The following SGPP2 variants were observed in gnomAD, a reference collection of about 807,000 sequenced individuals.
SGPP2 encodes sphingosine 1-phosphate phosphohydrolase 2.
Under a neutral mutation model 33.9 loss-of-function variants are expected in SGPP2, and 30 were observed. That is an observed-to-expected ratio of 0.89 (90% CI 0.66 to 1.20). SGPP2 has a LOEUF of 1.20. SGPP2 is among the 50% of genes most tolerant of loss of function. SGPP2 has a pLI of 0.00. For missense variants in SGPP2, 458 were observed against 532.1 expected, an observed-to-expected ratio of 0.86 and a Z score of 1.37; for synonymous variants, 233 against 225.0, an observed-to-expected ratio of 1.04 and a Z score of -0.32.
intron 4 of SGPP2, among the ~76,000 whole-genome samples, chr2:222,547,223 G>A (rs188298467): frequency 4.3e-4 from 66 of 152,168 alleles, no homozygotes; most frequent in African/African-American, 1.2e-3. Flanking sequence ...GAGCAAAATC[G>A]CTTGAATGTT....
chr2:222,512,712 A>G (rs1158237731), intron 2 of SGPP2, among the ~76,000 whole-genome samples: 2 of 152,088 alleles, frequency 1.3e-5, no homozygotes, highest in Non-Finnish European at 2.9e-5. Context: ...AGAATGTCAT[A>G]TAGTTGGAAT....
chr2:222,524,052 C>G (rs1372574140), intron 3 of SGPP2, among the ~76,000 whole-genome samples: 1 of 152,176 alleles, frequency 6.6e-6, no homozygotes, highest in African/African-American at 2.4e-5. Flanking sequence ...TCTCTGAACC[C>G]CAAGCTCCTG....
chr2:222,538,730 G>A (rs748932316), intron 4 of SGPP2, among the ~76,000 whole-genome samples: 32 of 152,278 alleles, frequency 2.1e-4, no homozygotes, highest in African/African-American at 5.5e-4. Context: ...GAAAGCAGGC[G>A]CATCTTACAT....
intron 4 of SGPP2, among the ~76,000 whole-genome samples, chr2:222,545,607 G>T (rs1689176412): frequency 6.6e-6 from 1 of 152,022 alleles, no homozygotes; most frequent in Non-Finnish European, 1.5e-5. Flanking sequence ...TCTTTTGTCT[G>T]TTATTGTTTA....
intron 2 of SGPP2, among the ~76,000 whole-genome samples, chr2:222,496,086 C>A (rs1442485835): frequency 6.6e-6 from 1 of 152,200 alleles, no homozygotes; most frequent in Non-Finnish European, 1.5e-5. Flanking sequence ...TCCCTTCGTG[C>A]AAGAATCCTT....
chr2:222,511,636 G>A (rs1028259313), intron 2 of SGPP2, among the ~76,000 whole-genome samples: 2 of 152,114 alleles, frequency 1.3e-5, no homozygotes, highest in South Asian at 2.1e-4. Flanking sequence ...TGAGTTAATC[G>A]TTATACTCTT....
intron 2 of SGPP2, among the ~76,000 whole-genome samples, chr2:222,515,035 G>A (rs943211666): frequency 4.6e-4 from 66 of 143,334 alleles, no homozygotes; most frequent in African/African-American, 1.1e-3. Context: ...AAAAAAAAAA[G>A]AAACCACATT....
chr2:222,546,116 A>C (rs1423646963), intron 4 of SGPP2, among the ~76,000 whole-genome samples: 1 of 152,230 alleles, frequency 6.6e-6, no homozygotes, highest in African/African-American at 2.4e-5. Flanking sequence ...AAAGGAAATA[A>C]ACATGTCATG....
At chr2:222,437,886 A>G (rs116186818) in intron 1 of SGPP2, among the ~76,000 whole-genome samples, 14,777 of 152,170 alleles carry the variant, frequency 0.097, 943 homozygotes, top group East Asian at 0.2. Flanking sequence ...TGAGTCACCT[A>G]TGGGGTCCTA....
At chr2:222,437,015 G>C (rs1398002320) in intron 1 of SGPP2, among the ~76,000 whole-genome samples, 3 of 152,138 alleles carry the variant, frequency 2.0e-5, no homozygotes, top group African/African-American at 7.2e-5. Context: ...GTGAAGACAG[G>C]AGTGGCTGGG....
intron 2 of SGPP2, among the ~76,000 whole-genome samples, chr2:222,511,867 CAG>C (rs1201731762): frequency 6.6e-6 from 1 of 152,080 alleles, no homozygotes; most frequent in Non-Finnish European, 1.5e-5. Flanking sequence ...TTTGTAGAGA[CAG>C]GGTTTCACCA....
At chr2:222,521,974 C>T (rs1574875914) in intron 3 of SGPP2, 28 bp downstream of exon 3, 1 of 1,476,504 alleles carries the variant, frequency 6.8e-7, no homozygotes, top group East Asian at 2.6e-5. Context: ...TTCTTCCTAC[C>T]CACCTACTGA....
chr2:222,557,936 C>T (rs1252659799), intron 4 of SGPP2, among the ~76,000 whole-genome samples: 3 of 152,186 alleles, frequency 2.0e-5, no homozygotes, highest in African/African-American at 7.2e-5. Flanking sequence ...AGCGAGCTTC[C>T]TCCTTTAGCC....
At chr2:222,495,581 T>C (rs903029907) in intron 2 of SGPP2, among the ~76,000 whole-genome samples, 1 of 152,156 alleles carries the variant, frequency 6.6e-6, no homozygotes, top group Non-Finnish European at 1.5e-5. Flanking sequence ...TCTATGCTGC[T>C]AGAAAACAGA....
chr2:222,525,078 T>G lies in SGPP2; in HGVS notation c.648+45T>G, dbSNP rs575358100. On this transcript the variant is annotated intron_variant, in intron 4 of 4. Transcript: ENST00000321276. ...TCTTGTGGTGATTGTTTGAATGATA[T>G]TGTGGTCAGTGTGTCAATATGTTTC... 5.4e-5 allele frequency: 76 copies of G among 1,413,656 alleles called. 1 individual carries two copies. The South Asian group carries it at 8.8e-4, about 16-fold the overall frequency. The allele number at this position is 1,413,656 out of a possible 1,614,324, so 87.6% of individuals were successfully genotyped here.
intron 1 of SGPP2, among the ~76,000 whole-genome samples, chr2:222,446,661 T>C (rs1050785814): frequency 1.3e-5 from 2 of 152,272 alleles, no homozygotes; most frequent in Admixed American, 1.3e-4. Context: ...GATTTATCTC[T>C]GCCAGCCAAT....
chr2:222,467,215 C>T (rs1697759433), intron 1 of SGPP2, among the ~76,000 whole-genome samples: 1 of 152,172 alleles, frequency 6.6e-6, no homozygotes, highest in Admixed American at 6.5e-5. Context: ...TGCCCCAGGT[C>T]AACTACATCA....
chr2:222,461,153 T>G (rs1697653183), intron 1 of SGPP2, among the ~76,000 whole-genome samples: 1 of 152,232 alleles, frequency 6.6e-6, no homozygotes. Flanking sequence ...TTAATAGAAA[T>G]GCAAATACAA....
intron 2 of SGPP2, among the ~76,000 whole-genome samples, chr2:222,521,212 C>G (rs1470555333): frequency 5.9e-5 from 9 of 152,236 alleles, no homozygotes; most frequent in African/African-American, 1.7e-4. Context: ...AGAACAGTCA[C>G]TTTTGTGGTT....
Sources: allele counts gnomAD v4.1 joint callset (sites outside exome capture counted in the v4.1 genomes callset), GRCh38; gene constraint gnomAD v4.1.1; transcripts MANE v1.5; gene names NCBI Gene and HGNC (gene_info 2026-07-23, HGNC 2026-07-21).